HP: variants seen among roughly 807,000 people sequenced by gnomAD.
HP encodes the protein haptoglobin.
In HP, 9 loss-of-function variants were observed where a neutral mutation model predicts 23.2. That is an observed-to-expected ratio of 0.39 (90% CI 0.23 to 0.68). The LOEUF is 0.68. HP is among the 30% of genes least tolerant of loss of function. The pLI is 0.47. For synonymous variants in HP, 155 were observed against 183.3 expected, an observed-to-expected ratio of 0.85 and a Z score of 1.25; for missense variants, 433 against 483.6, an observed-to-expected ratio of 0.90 and a Z score of 0.98.
In HP at chr16:72,057,594, C is replaced by T. The variant is rs1470099589; in HGVS notation, c.265+128C>T. On this transcript the variant is annotated intron_variant, in intron 4 of 6. Transcript: ENST00000355906. ...GCCAGGAGGAGGGATGTGGGAGAACCGCAGCTGGCCAGGGAGAGACTTAAG... is the reference window on the plus strand; with the variant it reads ...GCCAGGAGGAGGGATGTGGGAGAACTGCAGCTGGCCAGGGAGAGACTTAAG... 1.0e-4 allele frequency: 59 copies of T among 567,140 alleles called. 7 individuals are homozygous for T. The highest frequency in any genetic ancestry group is 4.3e-4 in the African/African-American group (18 of 41,852). The allele number at this position is 567,140 out of a possible 1,614,324, so 35.1% of individuals were successfully genotyped here. A position where few individuals can be genotyped will look rare whatever the true frequency, so the allele number is the denominator to read the frequency against.
At chr16:72,059,436 A>G in intron 6 of HP, 2 of 612,562 alleles carry the variant, frequency 3.3e-6, no homozygotes, top group Non-Finnish European at 5.8e-6. Context: ...AGATTAGGAG[A>G]GCCTGTGCAT....
At chr16:72,055,910 C>A (rs1413488469) in intron 1 of HP, 1 of 583,122 alleles carries the variant, frequency 1.7e-6, no homozygotes, top group Non-Finnish European at 3.0e-6. Context: ...TGCAGAATTC[C>A]CAGCAGGACA....
chr16:72,060,643 A>G lies in HP; in HGVS notation c.974A>G (p.Lys325Arg), dbSNP rs1209957418. The G allele has an allele frequency of 1.2e-6, 2 of 1,614,090 alleles. No individual in the cohort carries two copies. The highest frequency in any genetic ancestry group is 2.7e-5 in the African/African-American group (2 of 74,944). ...GSTVPEKKTP[K>R]SPVGVQPILN... ...ACAGTCCCCGAAAAGAAGACACCGA[A>G]GAGCCCTGTAGGGGTGCAGCCCATA... Residue 325 changes from lysine to arginine, a missense_variant, in exon 7 of 7, where the codon AAG (lysine) becomes AGG (arginine). Coordinates refer to ENST00000355906, the MANE Select transcript of HP (RefSeq NM_005143.5).
chr16:72,059,911 T>C, intron 6 of HP: 2 of 1,289,676 alleles, frequency 1.6e-6, no homozygotes, highest in East Asian at 2.6e-5. Context: ...GAAATAGAGC[T>C]TTTTGTAATG....
chr16:72,056,326 C>A, intron 2 of HP, 83 bp downstream of exon 2: 1 of 1,564,622 alleles, frequency 6.4e-7, no homozygotes, highest in South Asian at 1.1e-5. Flanking sequence ...CCAATTCCCC[C>A]TTCTTATCTC....
rs2041526722 is a variant in HP, at chr16:72,060,491, A to C, written c.822A>C (p.Glu274Asp). ...PICLPSKDYA[E>D]VGRVGYVSGW... ...GCCTACCTTCAAAGGATTATGCAGA[A>C]GTAGGGCGTGTGGGTTATGTTTCTG... The change falls in exon 7 of 7, where the codon GAA becomes GAC. Residue 274 changes from glutamate (E) to aspartate (D), a missense_variant. Physicochemically the swap from Glu to Asp is conservative, Grantham distance 45. Transcript: ENST00000355906. The C allele has an allele frequency of 1.9e-6, 3 of 1,614,052 alleles. No individual in the cohort carries two copies. The African/African-American group carries it at 4.0e-5, about 22-fold the overall frequency.
At chr16:72,059,035 T>C in intron 5 of HP, 79 bp from the exon 6 acceptor site, 1 of 1,380,912 alleles carries the variant, frequency 7.2e-7, no homozygotes, top group Non-Finnish European at 1.0e-6. Flanking sequence ...TTTTAGTTCT[T>C]CTCTTTAAAT....
rs201130844 is a variant in HP at position 72,060,526 on chromosome 16, G to C, written c.857G>C (p.Arg286Pro). ...GRVGYVSGWGRNANFKFTDHL... is the reference protein window; with the variant it reads ...GRVGYVSGWGPNANFKFTDHL... The stretch of plus-strand genomic sequence containing the variant: ...GTGGGTTATGTTTCTGGCTGGGGGC[G>C]AAATGCCAATTTTAAATTTACTGAC... The change falls in exon 7 of 7, where the codon CGA becomes CCA. Residue 286 changes from arginine (R) to proline (P), a missense_variant. Arg to Pro is a moderately radical substitution (Grantham distance 103). Around this residue, in one of 3 missense-constraint regions of HP, gnomAD observed 326 missense variants for 358.1 expected, o/e 0.91. Coordinates refer to ENST00000355906, the MANE Select transcript of HP (RefSeq NM_005143.5). The C allele has an allele frequency of 2.8e-5, 46 of 1,614,106 alleles. 1 individual carries two copies. The East Asian group carries it at 9.4e-4, about 33-fold the overall frequency.
intron 1 of HP, 152 bp from the exon 2 acceptor site, chr16:72,056,009 A>G (rs746049225): frequency 2.9e-5 from 38 of 1,328,504 alleles, no homozygotes; most frequent in East Asian, 5.2e-5. Context: ...GCACTTCCAT[A>G]TATCGACTTT....
rs933904664 is a variant in HP, at chr16:72,057,310, T to C, written c.191-82T>C. On this transcript the variant is annotated intron_variant, in intron 3 of 6. Coordinates refer to ENST00000355906, the MANE Select transcript of HP (RefSeq NM_005143.5). ...CTCCTTTCTTCTTCTTCTTTTTAAT[T>C]CTTCTCCTTAAATGCCTTCTCACTC... is the stretch of plus-strand genomic sequence containing the variant. The C allele has an allele frequency of 3.7e-4, 236 of 631,966 alleles. 41 individuals carry two copies. Among genetic ancestry groups the C allele is most frequent in the Admixed American group, 6.4e-4 (21 of 33,068 alleles). The allele number at this position is 631,966 out of a possible 1,614,324, so 39.1% of individuals were successfully genotyped here. A position where few individuals can be genotyped will look rare whatever the true frequency, so the allele number is the denominator to read the frequency against.
At chr16:72,059,896 A>G in intron 6 of HP, 1 of 1,138,022 alleles carries the variant, frequency 8.8e-7, no homozygotes, top group South Asian at 1.7e-5. Context: ...TTGTTAGAAA[A>G]GTGGGAAATA....
rs747480042 is a variant in HP, at chr16:72,060,925, A to C, written c.*35A>C. On this transcript the variant is annotated 3_prime_UTR_variant, in exon 7 of 7. Coordinates refer to ENST00000355906, the MANE Select transcript of HP (RefSeq NM_005143.5). ...GGCCGGAAGCCCTTGCCTGAAAGCA[A>C]GATTTCAGCCTGGAAGAGGGCAAAG... 1.9e-6 allele frequency: 3 copies of C among 1,540,884 alleles called. No homozygotes were observed. Among genetic ancestry groups the C allele is most frequent in the Non-Finnish European group, 2.6e-6 (3 of 1,144,474 alleles).
At position 72,060,559 on chromosome 16, in the gene HP, A is replaced by C; in HGVS notation, c.890A>C (p.Lys297Thr). Residue 297 changes from lysine (K) to threonine (T), a missense_variant, in exon 7 of 7, where the codon AAG becomes ACG. Lys to Thr is a moderately conservative substitution (Grantham distance 78). Around this residue, in one of 3 missense-constraint regions of HP, gnomAD observed 326 missense variants for 358.1 expected, o/e 0.91. Coordinates refer to ENST00000355906, the MANE Select transcript of HP (RefSeq NM_005143.5). ...NANFKFTDHL[K>T]YVMLPVADQD... ...AATTTTAAATTTACTGACCATCTGA[A>C]GTATGTCATGCTGCCTGTGGCTGAC... 6.2e-7 allele frequency: 1 copy of C among 1,614,144 alleles called. No homozygotes were observed. Among genetic ancestry groups the C allele is most frequent in the Non-Finnish European group, 8.5e-7 (1 of 1,180,044 alleles).
intron 6 of HP, chr16:72,059,401 T>A: frequency 1.4e-6 from 1 of 702,270 alleles, no homozygotes; most frequent in Non-Finnish European, 2.4e-6. Flanking sequence ...GGGCACTGGC[T>A]GAATCCATTG....
chr16:72,058,856 AC>A (rs1355285827), intron 5 of HP, among the ~76,000 whole-genome samples: 1 of 136,062 alleles, frequency 7.3e-6, no homozygotes. Context: ...CAGGATTTGA[AC>A]CCTGAGCCCT....
In HP at chr16:72,057,253, A is replaced by G. The variant is rs651709; in HGVS notation, c.191-139A>G. Reference sequence around the variant, plus strand: ...AGCACTCTTTCCCTTCCTCCTTCTCATATTCTCTCTCCTTTCTCCCTTCCT... The same window carrying G: ...AGCACTCTTTCCCTTCCTCCTTCTCGTATTCTCTCTCCTTTCTCCCTTCCT... On this transcript the variant is annotated intron_variant, in intron 3 of 6. Transcript: ENST00000355906. 2.0e-4 allele frequency: 211 copies of G among 1,030,686 alleles called. 31 individuals carry two copies. The highest frequency in any genetic ancestry group is 4.6e-4 in the African/African-American group (28 of 61,128). The allele number at this position is 1,030,686 out of a possible 1,614,324, so 63.8% of individuals were successfully genotyped here.
Position 72,056,552 on chromosome 16 carries a change from C to G in HP, c.111C>G (p.Pro37=), listed in dbSNP as rs771954033. The G allele has an allele frequency of 2.0e-6, 3 of 1,487,120 alleles. No homozygotes were observed. In the Admixed American group the frequency reaches 6.2e-5, roughly 31 times the overall value. 92.1% of individuals were successfully genotyped at this position (1,487,120 alleles called of 1,614,324 possible). Residue 37 remains proline (P), a synonymous_variant, in exon 3 of 7, where the codon CCC becomes CCG. Coordinates refer to ENST00000355906, the MANE Select transcript of HP (RefSeq NM_005143.5). ...DIADDGCPKP[P]EIAHGYVEHS... ...CAGATGACGGCTGCCCGAAGCCCCCCGAGATTGCACATGGCTATGTGGAGC... is the reference window on the plus strand; with the variant it reads ...CAGATGACGGCTGCCCGAAGCCCCCGGAGATTGCACATGGCTATGTGGAGC...
chr16:72,054,725 G>A, intron 1 of HP, 68 bp downstream of exon 1: 5 of 1,610,906 alleles, frequency 3.1e-6, no homozygotes, highest in Non-Finnish European at 4.2e-6. Context: ...GCATACATCG[G>A]TAGAGATGCA....
At chr16:72,055,444 C>G (rs1312908201) in intron 1 of HP, 1 of 157,710 alleles carries the variant, frequency 6.3e-6, no homozygotes, top group Non-Finnish European at 1.4e-5. Flanking sequence ...GGCCTAGAAA[C>G]TATTTTAATA....
Sources: allele counts gnomAD v4.1 joint callset (sites outside exome capture counted in the v4.1 genomes callset), GRCh38; gene constraint gnomAD v4.1.1; regional missense constraint gnomAD v4.1.1; transcripts MANE v1.5; gene names NCBI Gene and HGNC (gene_info 2026-07-23, HGNC 2026-07-21).